Variants in PIGK observed in about 807,000 individuals in gnomAD.
PIGK encodes phosphatidylinositol glycan anchor biosynthesis class K.
PIGK carries 42 observed loss-of-function variants against 50.6 expected under a neutral mutation model. The ratio of observed to expected loss-of-function variants is 0.83; its 90% CI spans 0.65 to 1.07. PIGK has a LOEUF of 1.07. PIGK is among the 50% of genes least tolerant of loss of function. The pLI, the probability that PIGK is intolerant of heterozygous loss-of-function variation, is 0.00. For missense variants in PIGK, 448 were observed against 488.7 expected, an observed-to-expected ratio of 0.92 and a Z score of 0.78; for synonymous variants, 151 against 156.0, an observed-to-expected ratio of 0.97 and a Z score of 0.24.
Position 77,161,708 on chromosome 1 carries a change from GT to G in PIGK, c.587del (p.Tyr196SerfsTer25). ...AFEQMWQKRR[Y>X]NELLFIIDTC... ...TATCAATAATAAACAGTAGCTCATT[GT>G]AGCTGAAAGAAAAATGATAACATCT... On this transcript the variant is annotated frameshift_variant and splice_region_variant, in exon 7 of 11. Coordinates refer to ENST00000370812, the MANE Select transcript of PIGK (RefSeq NM_005482.3). LOFTEE classifies it high-confidence loss of function. The G allele has an allele frequency of 3.1e-6, 4 of 1,289,458 alleles. No individual in the cohort carries two copies. The highest frequency in any genetic ancestry group is 3.4e-6 in the Non-Finnish European group (3 of 885,852). The allele number at this position is 1,289,458 out of a possible 1,614,324, so 79.9% of individuals were successfully genotyped here. A position where few individuals can be genotyped will look rare whatever the true frequency, so the allele number is the denominator to read the frequency against.
At chr1:77,095,009 C>A (rs1653378507) in intron 10 of PIGK, among the ~76,000 whole-genome samples, 1 of 152,172 alleles carries the variant, frequency 6.6e-6, no homozygotes, top group Non-Finnish European at 1.5e-5. Context: ...GATAACACTG[C>A]ATAAGCTACC....
intron 4 of PIGK, among the ~76,000 whole-genome samples, chr1:77,168,862 T>C (rs1026029848): frequency 6.6e-6 from 1 of 152,108 alleles, no homozygotes; most frequent in African/African-American, 2.4e-5. Flanking sequence ...TAAAAAACAC[T>C]GGAAGTATAT....
intron 10 of PIGK, among the ~76,000 whole-genome samples, chr1:77,108,422 C>T (rs1047011967): frequency 6.6e-6 from 1 of 152,144 alleles, no homozygotes; most frequent in Non-Finnish European, 1.5e-5. Context: ...TTGGCCCCCA[C>T]TCTCTTCTGG....
chr1:77,175,118 AT>A (rs140475168), intron 3 of PIGK, among the ~76,000 whole-genome samples: 1,905 of 152,266 alleles, frequency 0.013, 40 homozygotes, highest in African/African-American at 0.044. Context: ...AAATAAAGAC[AT>A]TTGTTCTTAA....
chr1:77,125,134 T>C (rs1654201503), intron 9 of PIGK, among the ~76,000 whole-genome samples: 1 of 152,230 alleles, frequency 6.6e-6, no homozygotes, highest in South Asian at 2.1e-4. Flanking sequence ...AAAATGTCTC[T>C]TACTCAATAT....
intron 9 of PIGK, among the ~76,000 whole-genome samples, chr1:77,143,011 A>G (rs1382609606): frequency 6.6e-6 from 1 of 152,228 alleles, no homozygotes; most frequent in Non-Finnish European, 1.5e-5. Context: ...AGCAAGGCAC[A>G]CCATTATGCC....
intron 3 of PIGK, among the ~76,000 whole-genome samples, chr1:77,200,054 G>A (rs182265056): frequency 2.6e-4 from 39 of 152,258 alleles, no homozygotes; most frequent in Non-Finnish European, 2.6e-4. Context: ...AAGGCCTGAA[G>A]CCTGGATGAA....
intron 5 of PIGK, among the ~76,000 whole-genome samples, chr1:77,165,756 A>G (rs1394123658): frequency 6.6e-6 from 1 of 152,228 alleles, no homozygotes; most frequent in Non-Finnish European, 1.5e-5. Context: ...AGGAAAGTCC[A>G]GACCAGCCAA....
At chr1:77,173,924 A>G (rs1453021462) in intron 3 of PIGK, among the ~76,000 whole-genome samples, 1 of 152,210 alleles carries the variant, frequency 6.6e-6, no homozygotes, top group Non-Finnish European at 1.5e-5. Context: ...CCTTCCAGGG[A>G]AAAGGAATTT....
chr1:77,135,335 G>A (rs928342046), intron 9 of PIGK, among the ~76,000 whole-genome samples: 3 of 151,670 alleles, frequency 2.0e-5, no homozygotes. Context: ...CCTTTACTTA[G>A]TTATCTTGCT....
At chr1:77,157,593 A>AT (rs1248039379) in intron 8 of PIGK, among the ~76,000 whole-genome samples, 1 of 152,180 alleles carries the variant, frequency 6.6e-6, no homozygotes, top group African/African-American at 2.4e-5. Context: ...GGTGACTATA[A>AT]TTTTTTTACA....
intron 3 of PIGK, among the ~76,000 whole-genome samples, chr1:77,181,540 C>T (rs1655615276): frequency 6.6e-6 from 1 of 152,164 alleles, no homozygotes; most frequent in Non-Finnish European, 1.5e-5. Context: ...TGCCTAATCA[C>T]ATACTACCTT....
At chr1:77,109,486 T>A (rs951949028) in intron 10 of PIGK, among the ~76,000 whole-genome samples, 9 of 152,162 alleles carry the variant, frequency 5.9e-5, no homozygotes, top group Non-Finnish European at 1.2e-4. Flanking sequence ...ATCCAGCATA[T>A]AAACAGAACC....
In PIGK at chr1:77,136,478, G is replaced by A. The variant is rs1355375118; in HGVS notation, c.987-14119C>T. ...CGGGAGGCGGAGCTTGCAGTGAGCCGAGATCCCGCCACTGCACTCCAGCCT... is the reference window on the plus strand; with the variant it reads ...CGGGAGGCGGAGCTTGCAGTGAGCCAAGATCCCGCCACTGCACTCCAGCCT... On this transcript the variant is annotated intron_variant, in intron 9 of 10. Transcript: ENST00000370812. Among the ~76,000 whole-genome samples, 7 of 138,684 alleles carry A rather than the reference G, an allele frequency of 5.0e-5. 1 individual carries two copies. Among genetic ancestry groups the A allele is most frequent in the African/African-American group, 1.9e-4 (7 of 36,740 alleles). 91.0% of individuals were successfully genotyped at this position (138,684 alleles called of 152,430 possible). A position where few individuals can be genotyped will look rare whatever the true frequency, so the allele number is the denominator to read the frequency against.
chr1:77,169,610 T>C (rs1485172339), intron 3 of PIGK, among the ~76,000 whole-genome samples: 2 of 152,164 alleles, frequency 1.3e-5, no homozygotes, highest in African/African-American at 2.4e-5. Flanking sequence ...CATAAAGTTA[T>C]GAAGGCACTT....
chr1:77,158,125 T>C (rs1325858967), intron 8 of PIGK, among the ~76,000 whole-genome samples: 5 of 152,216 alleles, frequency 3.3e-5, no homozygotes, highest in Non-Finnish European at 7.3e-5. Flanking sequence ...CAAGTGATGC[T>C]TCTGCCTCAG....
Position 77,148,438 on chromosome 1 carries a change from A to G in PIGK, c.986+6011T>C, listed in dbSNP as rs138492848. ...GCTTGATATCTGGCTGTGATATTTA[A>G]AGTAATTTTCTCCTTGATTAAAAAC... On this transcript the variant is annotated intron_variant, in intron 9 of 10. Transcript: ENST00000370812. 1.1e-4 allele frequency among the ~76,000 whole-genome samples: 17 copies of G among 152,350 alleles called. No individual in the cohort carries two copies. The East Asian group carries it at 3.3e-3, about 29-fold the overall frequency.
intron 3 of PIGK, among the ~76,000 whole-genome samples, chr1:77,192,523 C>A (rs1327996285): frequency 6.6e-6 from 1 of 151,918 alleles, no homozygotes; most frequent in South Asian, 2.1e-4. Context: ...CAGAATTAGC[C>A]AGCAAACTTC....
chr1:77,170,326 T>C (rs1276045125), intron 3 of PIGK, among the ~76,000 whole-genome samples: 5 of 152,204 alleles, frequency 3.3e-5, no homozygotes, highest in Admixed American at 6.5e-5. Flanking sequence ...TTCTCTATGC[T>C]ACCTCCACAC....
Sources: allele counts gnomAD v4.1 joint callset (sites outside exome capture counted in the v4.1 genomes callset), GRCh38; gene constraint gnomAD v4.1.1; transcripts MANE v1.5; gene names NCBI Gene and HGNC (gene_info 2026-07-23, HGNC 2026-07-21).